Variants in ASIC2 observed in about 807,000 individuals in gnomAD.
ASIC2 encodes acid-sensing ion channel 2.
A neutral mutation model predicts 57.3 loss-of-function variants in ASIC2; 25 were observed. The ratio of observed to expected loss-of-function variants is 0.44; its 90% CI spans 0.32 to 0.61. ASIC2 has a LOEUF of 0.61. ASIC2 is among the 20% of genes least tolerant of loss of function. The probability of loss-of-function intolerance (pLI) is 0.06; values close to 1 mark genes in which losing one functional copy is unlikely to be tolerated. For missense variants in ASIC2, 641 were observed against 738.1 expected (o/e 0.87, Z 1.52); for synonymous variants, 319 against 307.5 (o/e 1.04, Z -0.39).
chr17:33,461,355 G>T (rs1378253045), intron 1 of ASIC2, among the ~76,000 whole-genome samples: 6 of 152,122 alleles, frequency 3.9e-5, no homozygotes, highest in African/African-American at 1.4e-4. Context: ...CTATCCTCTG[G>T]TCAATTCTAT....
chr17:34,001,455 G>A (rs1298059551), intron 1 of ASIC2: 5 of 152,392 alleles, frequency 3.3e-5, no homozygotes, highest in Non-Finnish European at 2.9e-5. Context: ...GGTCCAGTGG[G>A]GCTGGTGCTG....
intron 3 of ASIC2, among the ~76,000 whole-genome samples, chr17:33,062,908 A>G (rs536932589): frequency 3.4e-4 from 52 of 152,116 alleles, no homozygotes; most frequent in South Asian, 1.5e-3. Context: ...TCCCTTTACC[A>G]TTATGTAATG....
At chr17:33,430,639 A>G (rs567339792) in intron 1 of ASIC2, among the ~76,000 whole-genome samples, 1 of 152,294 alleles carries the variant, frequency 6.6e-6, no homozygotes, top group South Asian at 2.1e-4. Flanking sequence ...GAATGCAGCT[A>G]CTCAGTTCCA....
rs1311162539 is a variant in ASIC2 at position 34,034,936 on chromosome 17, C to T, written c.555+121042G>A. Among the ~76,000 whole-genome samples the T allele has an allele frequency of 9.2e-5, 14 of 152,130 alleles. No homozygotes were observed. The South Asian group carries it at 2.5e-3, about 27-fold the overall frequency. ...CAATATCATGAAAATGGCCATACTG[C>T]CCAAGGTAATTTATAGATTCAATGC... is the stretch of plus-strand genomic sequence containing the variant. On this transcript the variant is annotated intron_variant, in intron 1 of 9. Transcript: ENST00000359872.
intron 1 of ASIC2, among the ~76,000 whole-genome samples, chr17:33,128,824 G>T (rs1420086945): frequency 6.6e-6 from 1 of 152,190 alleles, no homozygotes; most frequent in Non-Finnish European, 1.5e-5. Context: ...TTTCAAAGGT[G>T]GCCATAGTAG....
At chr17:33,652,186 G>A (rs1906941319) in intron 1 of ASIC2, among the ~76,000 whole-genome samples, 1 of 152,188 alleles carries the variant, frequency 6.6e-6, no homozygotes, top group African/African-American at 2.4e-5. Context: ...GGGATGTGAA[G>A]AGCAACAGAG....
intron 1 of ASIC2, among the ~76,000 whole-genome samples, chr17:33,199,941 A>G (rs1906788929): frequency 6.6e-6 from 1 of 152,028 alleles, no homozygotes. Context: ...TGCGTTCCCT[A>G]TCCCCTGGAG....
chr17:33,885,122 G>A (rs941502314), intron 1 of ASIC2, among the ~76,000 whole-genome samples: 1 of 152,162 alleles, frequency 6.6e-6, no homozygotes, highest in African/African-American at 2.4e-5. Flanking sequence ...CTTCCTAACA[G>A]GGAGGCAAGG....
intron 1 of ASIC2, among the ~76,000 whole-genome samples, chr17:33,766,204 T>C (rs1291876317): frequency 6.6e-6 from 1 of 152,238 alleles, no homozygotes; most frequent in East Asian, 1.9e-4. Context: ...GTTATAGTTG[T>C]TCTGTTTTAT....
At chr17:33,554,417 A>G (rs1306459229) in intron 1 of ASIC2, among the ~76,000 whole-genome samples, 2 of 151,912 alleles carry the variant, frequency 1.3e-5, no homozygotes, top group African/African-American at 4.8e-5. Flanking sequence ...ATGGGGATCA[A>G]TTGAAGGGAG....
chr17:33,483,062 C>T (rs1393290926), intron 1 of ASIC2, among the ~76,000 whole-genome samples: 3 of 152,144 alleles, frequency 2.0e-5, no homozygotes, highest in Non-Finnish European at 4.4e-5. Flanking sequence ...GGAGGGAAGT[C>T]TTTAGGCTGA....
chr17:33,954,505 CA>C (rs1233310303), intron 1 of ASIC2, among the ~76,000 whole-genome samples: 4 of 152,120 alleles, frequency 2.6e-5, no homozygotes, highest in African/African-American at 9.7e-5. Flanking sequence ...CTCCAAGGAG[CA>C]AAACGTCTCT....
intron 1 of ASIC2, among the ~76,000 whole-genome samples, chr17:34,053,282 T>C (rs1336232275): frequency 6.6e-6 from 1 of 152,184 alleles, no homozygotes; most frequent in Non-Finnish European, 1.5e-5. Context: ...TACACACTCA[T>C]AAAAGTCAGG....
At chr17:33,290,035 G>C (rs1363563004) in intron 1 of ASIC2, among the ~76,000 whole-genome samples, 1 of 152,204 alleles carries the variant, frequency 6.6e-6, no homozygotes, top group Non-Finnish European at 1.5e-5. Flanking sequence ...ACTTGCCAAA[G>C]CAGGGAGCCA....
intron 1 of ASIC2, among the ~76,000 whole-genome samples, chr17:33,737,280 C>T (rs1024827635): frequency 7.7e-4 from 117 of 152,352 alleles, no homozygotes; most frequent in African/African-American, 2.8e-3. Context: ...AGATTGTTTT[C>T]CAAGCCACAG....
intron 1 of ASIC2, among the ~76,000 whole-genome samples, chr17:33,132,487 C>T (rs957999372): frequency 1.3e-5 from 2 of 152,122 alleles, no homozygotes; most frequent in Non-Finnish European, 2.9e-5. Flanking sequence ...TCAGGTCCCC[C>T]GTGTCCAGTT....
intron 2 of ASIC2, among the ~76,000 whole-genome samples, chr17:33,108,158 T>G (rs958643282): frequency 5.3e-5 from 8 of 152,178 alleles, no homozygotes; most frequent in Non-Finnish European, 1.2e-4. Flanking sequence ...TTGGCCTGAG[T>G]CACGCAGTTA....
At chr17:33,935,623 G>A (rs998236000) in intron 1 of ASIC2, 3 of 152,002 alleles carry the variant, frequency 2.0e-5, no homozygotes, top group Admixed American at 6.6e-5. Flanking sequence ...TTAATCTCTC[G>A]GTATCCTCTA....
At chr17:33,990,334 G>A (rs989176569) in intron 1 of ASIC2, among the ~76,000 whole-genome samples, 2 of 152,284 alleles carry the variant, frequency 1.3e-5, no homozygotes, top group African/African-American at 4.8e-5. Context: ...TCTGGCAACA[G>A]ATAGATGCTC....
Sources: gnomAD v4.1 joint callset for allele counts (sites outside exome capture counted in the v4.1 genomes callset) on GRCh38, gnomAD v4.1.1 for gene constraint, MANE v1.5 for transcripts, NCBI Gene and HGNC (gene_info 2026-07-23, HGNC 2026-07-21) for gene names.